The following PEAK1 variants were observed in gnomAD, a reference collection of about 807,000 sequenced individuals.
PEAK1 encodes the protein pseudopodium enriched atypical kinase 1, also known as inactive tyrosine-protein kinase PEAK1.
PEAK1 carries 54 observed loss-of-function variants against 124.7 expected under a neutral mutation model. The observed-to-expected ratio is 0.43, with a 90% CI of 0.35 to 0.54. The LOEUF (loss-of-function observed/expected upper bound fraction) is 0.54. PEAK1 is among the 20% of genes least tolerant of loss of function. PEAK1 has a pLI of 0.01. For synonymous variants in PEAK1, 719 were observed against 760.0 expected, an observed-to-expected ratio of 0.95 and a Z score of 0.89; for missense variants, 2,046 against 2,134.5, an observed-to-expected ratio of 0.96 and a Z score of 0.82.
At chr15:77,278,387 A>G (rs2062453809) in intron 5 of PEAK1, 2 of 309,886 alleles carry the variant, frequency 6.5e-6, no homozygotes, top group Admixed American at 4.1e-5. Flanking sequence ...AGCAGTGTAA[A>G]GAAGAAGCAG....
At chr15:77,254,002 T>C (rs1043786692) in intron 5 of PEAK1, among the ~76,000 whole-genome samples, 1 of 152,092 alleles carries the variant, frequency 6.6e-6, no homozygotes, top group African/African-American at 2.4e-5. Flanking sequence ...GTATTTTTAG[T>C]AGAGACAGCA....
At chr15:77,146,359 A>C (rs966856107) in intron 8 of PEAK1, among the ~76,000 whole-genome samples, 7 of 152,236 alleles carry the variant, frequency 4.6e-5, no homozygotes, top group Admixed American at 1.3e-4. Flanking sequence ...CCTGATTTCC[A>C]AAGAAAACTT....
At chr15:77,158,351 C>G in intron 8 of PEAK1, 152 bp downstream of exon 8, 1 of 683,728 alleles carries the variant, frequency 1.5e-6, no homozygotes, top group East Asian at 2.7e-5. Context: ...AACATCAGAA[C>G]GTTTTTCTGA....
chr15:77,313,726 G>GTGTGTATATATATATATA (rs1462211130), intron 2 of PEAK1, among the ~76,000 whole-genome samples: 1 of 108,568 alleles, frequency 9.2e-6, no homozygotes. Context: ...GTGTGTGTGT[G>GTGTGTATATATATATATA]TATATATATA....
At chr15:77,314,692 A>C (rs2064762205) in intron 2 of PEAK1, among the ~76,000 whole-genome samples, 1 of 152,112 alleles carries the variant, frequency 6.6e-6, no homozygotes, top group South Asian at 2.1e-4. Flanking sequence ...TAGATGACTG[A>C]ATAACAGTAG....
At chr15:77,147,925 C>T (rs547441961) in intron 8 of PEAK1, among the ~76,000 whole-genome samples, 9 of 152,102 alleles carry the variant, frequency 5.9e-5, no homozygotes, top group East Asian at 1.9e-4. Flanking sequence ...TATCTACATG[C>T]GGCTACTAGG....
intron 8 of PEAK1, among the ~76,000 whole-genome samples, chr15:77,135,826 C>T (rs2053274655): frequency 2.0e-5 from 3 of 152,188 alleles, no homozygotes; most frequent in South Asian, 4.1e-4. Context: ...CCTCCCCAGC[C>T]ATGTGGAACT....
intron 6 of PEAK1, among the ~76,000 whole-genome samples, chr15:77,233,040 C>T (rs767521648): frequency 1.6e-4 from 25 of 152,330 alleles, no homozygotes; most frequent in African/African-American, 4.8e-4. Context: ...AGCCACCGCA[C>T]CCGGTCCTTT....
At position 77,322,318 on chromosome 15, in the gene PEAK1, C is replaced by CA. The variant is rs1306487249; in HGVS notation, c.-602-35815dup. ...GGAAATAGAGACACAAAAAACCCTT[C>CA]AAAAAATCAATGAATCCAGGAGCTG... On this transcript the variant is annotated intron_variant, in intron 2 of 9. Coordinates refer to ENST00000682557, the MANE Select transcript of PEAK1 (RefSeq NM_001385026.1). Among the ~76,000 whole-genome samples the CA allele has an allele frequency of 5.6e-4, 85 of 152,126 alleles. 1 individual carries two copies. Among genetic ancestry groups the CA allele is most frequent in the African/African-American group, 1.8e-3 (76 of 41,494 alleles).
chr15:77,347,811 G>A (rs1420715159), intron 2 of PEAK1: 2 of 984,782 alleles, frequency 2.0e-6, no homozygotes, highest in East Asian at 2.3e-4. Flanking sequence ...TCCTTCTATA[G>A]CAAGCACAAA....
At chr15:77,154,077 C>T (rs897889445) in intron 8 of PEAK1, among the ~76,000 whole-genome samples, 2 of 152,080 alleles carry the variant, frequency 1.3e-5, no homozygotes, top group East Asian at 1.9e-4. Flanking sequence ...CTAATGTTGA[C>T]AGTGGGGTGT....
chr15:77,202,624 G>C (rs1408207630), intron 6 of PEAK1, among the ~76,000 whole-genome samples: 2 of 151,882 alleles, frequency 1.3e-5, no homozygotes, highest in Admixed American at 1.3e-4. Context: ...AAAAAAAATA[G>C]CTGGGCATGG....
At chr15:77,279,921 T>G (rs1324176583) in intron 5 of PEAK1, among the ~76,000 whole-genome samples, 2 of 152,174 alleles carry the variant, frequency 1.3e-5, no homozygotes, top group Non-Finnish European at 2.9e-5. Flanking sequence ...TTGTTAGATG[T>G]AGGGAGAGAT....
intron 5 of PEAK1, among the ~76,000 whole-genome samples, chr15:77,275,579 G>T (rs570976895): frequency 6.6e-6 from 1 of 152,122 alleles, no homozygotes; most frequent in Non-Finnish European, 1.5e-5. Flanking sequence ...AGATGGGTGT[G>T]ATGGTGCGTG....
chr15:77,397,169 A>G (rs1474179444), intron 1 of PEAK1, among the ~76,000 whole-genome samples: 1 of 152,228 alleles, frequency 6.6e-6, no homozygotes, highest in African/African-American at 2.4e-5. Flanking sequence ...TTTGTAAACT[A>G]TATAAACACA....
Position 77,179,757 on chromosome 15 carries a change from A to G in PEAK1, c.2170T>C (p.Tyr724His), listed in dbSNP as rs2057127388. 20 of 1,613,966 alleles carry G rather than the reference A, an allele frequency of 1.2e-5. No homozygotes were observed. The highest frequency in any genetic ancestry group is 1.7e-5 in the Non-Finnish European group (20 of 1,179,984). Residue 724 changes from tyrosine (Y) to histidine (H), a missense_variant, in exon 7 of 10, where the codon TAT (tyrosine) becomes CAT (histidine). Tyr to His is a moderately conservative substitution (Grantham distance 83, BLOSUM62 2). Coordinates refer to ENST00000682557, the MANE Select transcript of PEAK1 (RefSeq NM_001385026.1). ...NRGQSSPQRS[Y>H]SSSHSSPAKI... Reference sequence around the variant, plus strand: ...GCTGGGGAGCTGTGGCTGGAACTATAGCTTCTCTGTGGTGAAGACTGACCT... The same window carrying G: ...GCTGGGGAGCTGTGGCTGGAACTATGGCTTCTCTGTGGTGAAGACTGACCT...
At position 77,202,404 on chromosome 15, in the gene PEAK1, T is replaced by C. The variant is rs757096755; in HGVS notation, c.-114-20364A>G. Among the ~76,000 whole-genome samples the C allele has an allele frequency of 7.1e-4, 108 of 152,260 alleles. 1 individual carries two copies. Among genetic ancestry groups the C allele is most frequent in the African/African-American group, 2.4e-3 (101 of 41,538 alleles). ...AGTTGATTAACACATATTTTGTACATTGTATGTACTATATACTGTATTTTT... is the reference window on the plus strand; with the variant it reads ...AGTTGATTAACACATATTTTGTACACTGTATGTACTATATACTGTATTTTT... On this transcript the variant is annotated intron_variant, in intron 6 of 9. Coordinates refer to ENST00000682557, the MANE Select transcript of PEAK1 (RefSeq NM_001385026.1).
intron 2 of PEAK1, among the ~76,000 whole-genome samples, chr15:77,364,836 G>A (rs1234657650): frequency 6.6e-6 from 1 of 152,158 alleles, no homozygotes; most frequent in Non-Finnish European, 1.5e-5. Flanking sequence ...TTAACTAATG[G>A]AAGACTTGTC....
chr15:77,247,525 G>A (rs1344415081), intron 6 of PEAK1, among the ~76,000 whole-genome samples: 3 of 104,214 alleles, frequency 2.9e-5, no homozygotes, highest in African/African-American at 1.1e-4. Flanking sequence ...GTCTCACTCT[G>A]TCGCCCAGGC....
Sources: allele counts gnomAD v4.1 joint callset (sites outside exome capture counted in the v4.1 genomes callset), GRCh38; gene constraint gnomAD v4.1.1; transcripts MANE v1.5; gene names NCBI Gene and HGNC (gene_info 2026-07-23, HGNC 2026-07-21).